CUL1: variants seen among roughly 807,000 people sequenced by gnomAD.
CUL1 encodes the protein cullin-1.
CUL1 carries 24 observed loss-of-function variants against 118.0 expected under a neutral mutation model. That is an observed-to-expected ratio of 0.20 (90% CI 0.15 to 0.29). CUL1 has a LOEUF of 0.29. Among genes scored for constraint, CUL1 ranks in the 10% least tolerant of loss-of-function variants. The pLI, the probability that CUL1 is intolerant of heterozygous loss-of-function variation, is 1.00. For missense variants in CUL1, 361 were observed against 933.8 expected, an observed-to-expected ratio of 0.39 and a Z score of 7.99; for synonymous variants, 332 against 340.4, an observed-to-expected ratio of 0.98 and a Z score of 0.27.
At chr7:148,774,730 A>G (rs1319481725) in intron 9 of CUL1, among the ~76,000 whole-genome samples, 3 of 152,184 alleles carry the variant, frequency 2.0e-5, no homozygotes, top group Non-Finnish European at 2.9e-5. Context: ...CCCAACAGAG[A>G]TGGGTCTGTG....
chr7:148,779,811 T>C (rs1240299199), intron 9 of CUL1, among the ~76,000 whole-genome samples: 2 of 152,192 alleles, frequency 1.3e-5, no homozygotes, highest in African/African-American at 4.8e-5. Flanking sequence ...TGTGAGGGTG[T>C]TGGCAAAGGA....
At chr7:148,720,486 C>T (rs1354652865) in intron 1 of CUL1, among the ~76,000 whole-genome samples, 1 of 151,924 alleles carries the variant, frequency 6.6e-6, no homozygotes, top group Non-Finnish European at 1.5e-5. Flanking sequence ...AGAGACCAGT[C>T]CAGAGGCTAA....
Position 148,730,134 on chromosome 7 carries a change from C to T in CUL1, c.12C>T (p.Thr4=). The T allele has an allele frequency of 2.5e-6, 4 of 1,613,634 alleles. No individual in the cohort carries two copies. The highest frequency in any genetic ancestry group is 3.4e-6 in the Non-Finnish European group (4 of 1,179,858). The change falls in exon 2 of 22, where the codon ACC becomes ACT. Residue 4 remains threonine, a synonymous_variant. Transcript: ENST00000325222. ...GAACATCCCTCACAATGTCGTCAACCCGGAGCCAGAACCCCCACGGCCTGA... is the reference window on the plus strand; with the variant it reads ...GAACATCCCTCACAATGTCGTCAACTCGGAGCCAGAACCCCCACGGCCTGA... The part of the protein sequence containing the change: MSS[T]RSQNPHGLKQ...
chr7:148,717,200 C>G (rs1371333795), intron 1 of CUL1, among the ~76,000 whole-genome samples: 1 of 151,946 alleles, frequency 6.6e-6, no homozygotes, highest in Non-Finnish European at 1.5e-5. Flanking sequence ...GGGATTACAG[C>G]CACCTGCCAC....
At chr7:148,775,487 A>G (rs1484395172) in intron 9 of CUL1, among the ~76,000 whole-genome samples, 2 of 152,224 alleles carry the variant, frequency 1.3e-5, no homozygotes, top group African/African-American at 2.4e-5. Context: ...CATTTTGAAC[A>G]TATTGAAAAT....
intron 2 of CUL1, 30 bp from the exon 3 acceptor site, chr7:148,753,946 A>G: frequency 6.6e-7 from 1 of 1,523,818 alleles, no homozygotes. Flanking sequence ...CGTCTGTGAT[A>G]TATGTTGGTT....
intron 1 of CUL1, among the ~76,000 whole-genome samples, chr7:148,705,581 T>TA (rs1185863054): frequency 2.0e-5 from 3 of 152,170 alleles, no homozygotes; most frequent in African/African-American, 7.2e-5. Flanking sequence ...TACGTGTGCC[T>TA]AATAGGCATC....
intron 1 of CUL1, among the ~76,000 whole-genome samples, chr7:148,729,403 C>G (rs1369065806): frequency 6.6e-6 from 1 of 152,162 alleles, no homozygotes. Flanking sequence ...AAACTCAGGT[C>G]TCTCTGAATT....
At chr7:148,744,372 T>A (rs1799239955) in intron 2 of CUL1, among the ~76,000 whole-genome samples, 3 of 151,586 alleles carry the variant, frequency 2.0e-5, no homozygotes, top group African/African-American at 7.3e-5. Context: ...AGTTCCTTTT[T>A]AATATATTTG....
rs1469105728 is a variant in CUL1 at position 148,778,085 on chromosome 7, AAAAAAAAAAAAAG to A, written c.1084-5695_1084-5683del. On this transcript the variant is annotated intron_variant, in intron 9 of 21. Coordinates refer to ENST00000325222, the MANE Select transcript of CUL1 (RefSeq NM_003592.3). Reference sequence around the variant, plus strand: ...GACCCTGTCTCAAAAAAAAAAAAAAAAAAAAAAAAAAAGAAGAAGAAGAAGAATGAGGAAAGAG... The same window carrying A: ...GACCCTGTCTCAAAAAAAAAAAAAAAAAGAAGAAGAAGAATGAGGAAAGAG... 8.2e-4 allele frequency among the ~76,000 whole-genome samples: 116 copies of A among 141,786 alleles called. 3 individuals are homozygous for A. Among genetic ancestry groups the A allele is most frequent in the Middle Eastern group, 7.2e-3 (2 of 278 alleles). 93.0% of individuals were successfully genotyped at this position (141,786 alleles called of 152,430 possible).
intron 1 of CUL1, among the ~76,000 whole-genome samples, chr7:148,723,276 C>T (rs746108998): frequency 2.0e-5 from 3 of 152,140 alleles, no homozygotes; most frequent in African/African-American, 2.4e-5. Flanking sequence ...GTCTGTCTGC[C>T]GTATTCCCCT....
At chr7:148,721,204 A>G (rs1310593772) in intron 1 of CUL1, among the ~76,000 whole-genome samples, 1 of 152,176 alleles carries the variant, frequency 6.6e-6, no homozygotes, top group African/African-American at 2.4e-5. Context: ...CCATGTTAAG[A>G]AGCAAGCTTA....
At chr7:148,723,104 AC>A (rs1798447126) in intron 1 of CUL1, among the ~76,000 whole-genome samples, 1 of 152,250 alleles carries the variant, frequency 6.6e-6, no homozygotes, top group Admixed American at 6.5e-5. Flanking sequence ...GAAAGAACTT[AC>A]AAGGTCACAC....
chr7:148,761,713 G>T (rs776919125), intron 7 of CUL1, among the ~76,000 whole-genome samples: 2 of 152,182 alleles, frequency 1.3e-5, no homozygotes, highest in Admixed American at 6.5e-5. Flanking sequence ...ACTGAGTGTG[G>T]CCGGGTTCCA....
chr7:148,714,690 A>G (rs1222500781), intron 1 of CUL1, among the ~76,000 whole-genome samples: 1 of 150,548 alleles, frequency 6.6e-6, no homozygotes, highest in Non-Finnish European at 1.5e-5. Flanking sequence ...AGTGGGTGTC[A>G]TCTTGTTGAG....
intron 2 of CUL1, among the ~76,000 whole-genome samples, chr7:148,738,653 A>C (rs773403281): frequency 6.6e-6 from 1 of 152,216 alleles, no homozygotes; most frequent in Non-Finnish European, 1.5e-5. Context: ...GTTAGAGTCT[A>C]TGGCTGCCTT....
At chr7:148,741,117 C>T (rs1799125418) in intron 2 of CUL1, among the ~76,000 whole-genome samples, 1 of 152,198 alleles carries the variant, frequency 6.6e-6, no homozygotes, top group Admixed American at 6.5e-5. Context: ...AGATTCCATT[C>T]TGTGGATATA....
intron 9 of CUL1, among the ~76,000 whole-genome samples, chr7:148,782,869 C>T (rs1311256303): frequency 6.6e-6 from 1 of 152,152 alleles, no homozygotes; most frequent in Non-Finnish European, 1.5e-5. Context: ...CTGTGCTTGG[C>T]TGGGGGTGAC....
rs1161560553 is a variant in CUL1 at position 148,783,908 on chromosome 7, G to T, written c.1191+18G>T. 2 of 1,613,792 alleles carry T rather than the reference G, an allele frequency of 1.2e-6. No individual in the cohort carries two copies. The highest frequency in any genetic ancestry group is 4.5e-5 in the East Asian group (2 of 44,880). ...TTGATAAGGTAGGTGCGTGAGGGTT[G>T]TGACTTGCCTGTAGTATGTATGGAT... On this transcript the variant is annotated intron_variant, in intron 10 of 21. Coordinates refer to ENST00000325222, the MANE Select transcript of CUL1 (RefSeq NM_003592.3).
Sources: gnomAD v4.1 joint callset for allele counts (sites outside exome capture counted in the v4.1 genomes callset) on GRCh38, gnomAD v4.1.1 for gene constraint, MANE v1.5 for transcripts, NCBI Gene and HGNC (gene_info 2026-07-23, HGNC 2026-07-21) for gene names.